NELL1: variants seen among roughly 807,000 people sequenced by gnomAD.
NELL1 encodes the protein protein kinase C-binding protein NELL1.
NELL1 carries 76 observed loss-of-function variants against 107.4 expected under a neutral mutation model. The observed-to-expected ratio is 0.71, with a 90% CI of 0.59 to 0.86. NELL1 has a LOEUF of 0.86. Ranked by LOEUF, NELL1 falls within the 40% of genes least tolerant of loss-of-function variation. The pLI is 0.00. For synonymous variants in NELL1, 353 were observed against 341.2 expected (o/e 1.03, Z -0.38); for missense variants, 1,024 against 1,005.5 (o/e 1.02, Z -0.25).
intron 2 of NELL1, among the ~76,000 whole-genome samples, chr11:20,686,719 T>G (rs1213230174): frequency 6.6e-6 from 1 of 152,184 alleles, no homozygotes; most frequent in Non-Finnish European, 1.5e-5. Flanking sequence ...GGTTACAGTT[T>G]ACTATGTATG....
chr11:21,415,533 T>C (rs531266147), intron 15 of NELL1, among the ~76,000 whole-genome samples: 1 of 152,092 alleles, frequency 6.6e-6, no homozygotes, highest in Non-Finnish European at 1.5e-5. Context: ...GATCATTGTT[T>C]CTTGTGTTTG....
chr11:21,402,713 A>G (rs909448398), intron 15 of NELL1, among the ~76,000 whole-genome samples: 2 of 150,732 alleles, frequency 1.3e-5, no homozygotes, highest in Non-Finnish European at 2.9e-5. Flanking sequence ...AGTCTCTACC[A>G]TTCTATTCGA....
At position 21,151,987 on chromosome 11, in the gene NELL1, A is replaced by G. The variant is rs140653452; in HGVS notation, c.1426+38273A>G. Among the ~76,000 whole-genome samples, 102 of 152,298 alleles carry G rather than the reference A, an allele frequency of 6.7e-4. 1 individual carries two copies. The East Asian group carries it at 0.018, about 27-fold the overall frequency. ...TGCCTCTTCAAATCTTGACTGTAAC[A>G]CTGGCTGACAATATAGAGGTAAGTA... On this transcript the variant is annotated intron_variant, in intron 13 of 19. Transcript: ENST00000357134.
intron 14 of NELL1, among the ~76,000 whole-genome samples, chr11:21,266,029 C>T (rs1434955762): frequency 1.3e-5 from 2 of 151,978 alleles, no homozygotes; most frequent in Admixed American, 1.3e-4. Flanking sequence ...AATCCTCTCC[C>T]TTCCTCTGCA....
intron 14 of NELL1, among the ~76,000 whole-genome samples, chr11:21,311,789 C>G (rs375469151): frequency 6.6e-6 from 1 of 152,142 alleles, no homozygotes; most frequent in Non-Finnish European, 1.5e-5. Flanking sequence ...CTCTCAAACT[C>G]AGAGGTATTA....
intron 2 of NELL1, among the ~76,000 whole-genome samples, chr11:20,691,100 A>G (rs2133866306): frequency 6.6e-6 from 1 of 152,006 alleles, no homozygotes; most frequent in Non-Finnish European, 1.5e-5. Context: ...TTATTGGTGT[A>G]TAAGAATGCT....
At chr11:21,221,817 C>T (rs913208139) in intron 13 of NELL1, among the ~76,000 whole-genome samples, 5 of 152,138 alleles carry the variant, frequency 3.3e-5, no homozygotes, top group South Asian at 2.1e-4. Context: ...CTCAGCCTCC[C>T]GAGTAGTTGG....
At chr11:21,573,143 C>T in intron 18 of NELL1, 42 bp from the exon 19 acceptor site, 3 of 1,459,158 alleles carry the variant, frequency 2.1e-6, no homozygotes, top group South Asian at 1.2e-5. Flanking sequence ...TAAAATTATG[C>T]ATAGGAACAA....
At chr11:21,189,681 C>CTTTTTTTTTTTTTTTTTTTTTT (rs58557342) in intron 13 of NELL1, among the ~76,000 whole-genome samples, 1 of 141,496 alleles carries the variant, frequency 7.1e-6, no homozygotes. Flanking sequence ...TTGTTTCTTC[C>CTTTTTTTTTTTTTTTTTTTTTT]TTTTTTTTTT....
At chr11:21,194,623 A>C (rs1311185721) in intron 13 of NELL1, among the ~76,000 whole-genome samples, 1 of 152,104 alleles carries the variant, frequency 6.6e-6, no homozygotes, top group Non-Finnish European at 1.5e-5. Context: ...ATCACTTGGG[A>C]ACTTATTAGA....
intron 3 of NELL1, among the ~76,000 whole-genome samples, chr11:20,843,148 T>A (rs1422091415): frequency 1.3e-5 from 2 of 152,194 alleles, no homozygotes; most frequent in Non-Finnish European, 2.9e-5. Flanking sequence ...AGAAAGTAGC[T>A]GGACACCTGC....
chr11:21,012,728 T>C lies in NELL1; in HGVS notation c.1300+52168T>C, dbSNP rs141483132. On this transcript the variant is annotated intron_variant, in intron 12 of 19. Transcript: ENST00000357134. ...CTAATTGGTTGGGTCAGGGATGAAA[T>C]CATAGGGAGATGAAGCTGTCCTCTT... Among the ~76,000 whole-genome samples, 6 of 152,096 alleles carry C rather than the reference T, an allele frequency of 3.9e-5. No homozygotes were observed. In the East Asian group the frequency reaches 1.2e-3, roughly 30 times the overall value.
intron 15 of NELL1, among the ~76,000 whole-genome samples, chr11:21,448,528 CAT>C (rs1335139859): frequency 2.6e-5 from 4 of 152,174 alleles, no homozygotes; most frequent in Non-Finnish European, 5.9e-5. Flanking sequence ...AGTAAACACA[CAT>C]GTGGTGTACA....
intron 13 of NELL1, among the ~76,000 whole-genome samples, chr11:21,211,044 T>C (rs1277924475): frequency 6.6e-6 from 1 of 152,140 alleles, no homozygotes; most frequent in African/African-American, 2.4e-5. Flanking sequence ...GGGCTGGAGA[T>C]AAAGAAAAGA....
intron 2 of NELL1, among the ~76,000 whole-genome samples, chr11:20,750,556 C>A (rs1856109003): frequency 9.0e-6 from 1 of 111,192 alleles, no homozygotes. Flanking sequence ...ATATAATGTA[C>A]CTCGGAATTA....
Position 21,292,126 on chromosome 11 carries a change from A to T in NELL1, c.1549+62672A>T, listed in dbSNP as rs1369871795. On this transcript the variant is annotated intron_variant, in intron 14 of 19. Coordinates refer to ENST00000357134, the MANE Select transcript of NELL1 (RefSeq NM_006157.5). ...AAGTGTATTCAAATAGAAAGAGAGG[A>T]AGTCAAATTGTCTCTGTTTGCAGAT... Among the ~76,000 whole-genome samples, 3 of 152,194 alleles carry T rather than the reference A, an allele frequency of 2.0e-5. No homozygotes were observed. The East Asian group carries it at 5.8e-4, about 29-fold the overall frequency.
At chr11:20,721,742 GT>G (rs1855393731) in intron 2 of NELL1, among the ~76,000 whole-genome samples, 1 of 152,184 alleles carries the variant, frequency 6.6e-6, no homozygotes, top group Non-Finnish European at 1.5e-5. Context: ...AGTAGACAGA[GT>G]TTAATGACTT....
At chr11:21,481,415 A>G (rs1338323284) in intron 15 of NELL1, among the ~76,000 whole-genome samples, 1 of 152,192 alleles carries the variant, frequency 6.6e-6, no homozygotes, top group Non-Finnish European at 1.5e-5. Context: ...GGGCAAGTGA[A>G]GATTGCAGCA....
intron 2 of NELL1, among the ~76,000 whole-genome samples, chr11:20,714,353 G>A (rs1159675639): frequency 8.3e-6 from 1 of 120,600 alleles, no homozygotes; most frequent in Non-Finnish European, 1.7e-5. Flanking sequence ...ACAGGATCAC[G>A]CCACCACGCC....
Sources: gnomAD v4.1 joint callset for allele counts (sites outside exome capture counted in the v4.1 genomes callset) on GRCh38, gnomAD v4.1.1 for gene constraint, MANE v1.5 for transcripts, NCBI Gene and HGNC (gene_info 2026-07-23, HGNC 2026-07-21) for gene names.